GSTA4: variants seen among roughly 807,000 people sequenced by gnomAD.
GSTA4 encodes glutathione S-transferase alpha 4.
A neutral mutation model predicts 24.4 loss-of-function variants in GSTA4; 15 were observed. The observed-to-expected ratio is 0.61, with a 90% CI of 0.41 to 0.95. The LOEUF (loss-of-function observed/expected upper bound fraction) is 0.95. Ranked by LOEUF, GSTA4 falls within the 40% of genes least tolerant of loss-of-function variation. The pLI is 0.00. For missense variants in GSTA4, 244 were observed against 262.1 expected (o/e 0.93, Z 0.48); for synonymous variants, 92 against 94.2 (o/e 0.98, Z 0.13).
In GSTA4 at chr6:52,978,283, C is replaced by T; in HGVS notation, c.*187G>A. ...AAGTTTTCCAATAAAGATCCCCTAA[C>T]AATTATTTACTGGACAAAAAAGGTT... is the stretch of plus-strand genomic sequence containing the variant. On this transcript the variant is annotated 3_prime_UTR_variant, in exon 7 of 7. Transcript: ENST00000370963. 1 of 588,258 alleles carries T rather than the reference C, an allele frequency of 1.7e-6. No homozygotes were observed. Among genetic ancestry groups the T allele is most frequent in the Admixed American group, 3.7e-5 (1 of 27,182 alleles). The allele number at this position is 588,258 out of a possible 1,614,324, so 36.4% of individuals were successfully genotyped here.
chr6:52,982,723 G>T lies in GSTA4; in HGVS notation c.415-18C>A, dbSNP rs778715431. 6.2e-7 allele frequency: 1 copy of T among 1,601,512 alleles called. No homozygotes were observed. The highest frequency in any genetic ancestry group is 2.2e-5 in the East Asian group (1 of 44,774). On this transcript the variant is annotated intron_variant, in intron 5 of 6. Coordinates refer to ENST00000370963, the MANE Select transcript of GSTA4 (RefSeq NM_001512.4). The stretch of plus-strand genomic sequence containing the variant: ...CTTAAAATCTGTAGGGAAATGGTGT[G>T]CATCAGTTACAATATTCCACATGGA...
At chr6:52,983,797 T>C (rs1056483715) in intron 5 of GSTA4, among the ~76,000 whole-genome samples, 3 of 152,190 alleles carry the variant, frequency 2.0e-5, no homozygotes, top group Non-Finnish European at 4.4e-5. Flanking sequence ...CCATAAAACC[T>C]AGCTACAGAA....
At position 52,978,295 on chromosome 6, in the gene GSTA4, G is replaced by A. The variant is rs865822333; in HGVS notation, c.*175C>T. On this transcript the variant is annotated 3_prime_UTR_variant, in exon 7 of 7. Transcript: ENST00000370963. ...AAAGATCCCCTAACAATTATTTACT[G>A]GACAAAAAAGGTTGATATTTCTAGA... 2 of 635,048 alleles carry A rather than the reference G, an allele frequency of 3.1e-6. No homozygotes were observed. The highest frequency in any genetic ancestry group is 5.9e-4 in the Middle Eastern group (2 of 3,380). 39.3% of individuals were successfully genotyped at this position (635,048 alleles called of 1,614,324 possible).
intron 3 of GSTA4, among the ~76,000 whole-genome samples, chr6:52,986,168 T>C (rs1461148208): frequency 5.3e-5 from 8 of 152,214 alleles, no homozygotes; most frequent in Admixed American, 3.9e-4. Flanking sequence ...AGATATTTCT[T>C]CAGTGCTACA....
intron 2 of GSTA4, among the ~76,000 whole-genome samples, chr6:52,989,459 CT>C (rs927673669): frequency 2.6e-5 from 4 of 151,986 alleles, no homozygotes; most frequent in African/African-American, 9.7e-5. Flanking sequence ...TCTGCAACTA[CT>C]TTGAAACAAT....
intron 5 of GSTA4, among the ~76,000 whole-genome samples, chr6:52,983,675 C>T (rs1359721875): frequency 6.6e-6 from 1 of 152,208 alleles, no homozygotes; most frequent in African/African-American, 2.4e-5. Context: ...GCCCTTGGGA[C>T]CTAAGAATGA....
intron 3 of GSTA4, among the ~76,000 whole-genome samples, chr6:52,986,336 T>C (rs1581911770): frequency 6.6e-6 from 1 of 152,238 alleles, no homozygotes; most frequent in African/African-American, 2.4e-5. Flanking sequence ...TATTGGACAA[T>C]GCAGAATAGA....
intron 2 of GSTA4, among the ~76,000 whole-genome samples, chr6:52,991,882 G>A (rs1423620405): frequency 1.3e-5 from 2 of 150,774 alleles, no homozygotes; most frequent in Non-Finnish European, 2.9e-5. Context: ...TCAGCCTCCT[G>A]AGTAGCTGGG....
intron 2 of GSTA4, 166 bp from the exon 3 acceptor site, chr6:52,987,574 T>C: frequency 1.3e-5 from 7 of 523,274 alleles, no homozygotes; most frequent in Non-Finnish European, 1.3e-5. Flanking sequence ...CTGATTCATA[T>C]GTGGGAGCTA....
rs775528942 is a variant in GSTA4 at position 52,994,284 on chromosome 6, C to G, written c.-18-23G>C. Reference sequence around the variant, plus strand: ...TTTCTGAAATACAAATGCAGCAGCTCGTCGCAGACCAACAGTCCCAATTTC... The same window carrying G: ...TTTCTGAAATACAAATGCAGCAGCTGGTCGCAGACCAACAGTCCCAATTTC... On this transcript the variant is annotated intron_variant, in intron 1 of 6. Coordinates refer to ENST00000370963, the MANE Select transcript of GSTA4 (RefSeq NM_001512.4). 5.3e-6 allele frequency: 7 copies of G among 1,317,168 alleles called. No homozygotes were observed. The East Asian group carries it at 1.4e-4, about 26-fold the overall frequency. The allele number at this position is 1,317,168 out of a possible 1,614,324, so 81.6% of individuals were successfully genotyped here.
chr6:52,983,015 C>G (rs1242037122), intron 5 of GSTA4, among the ~76,000 whole-genome samples: 1 of 152,024 alleles, frequency 6.6e-6, no homozygotes, highest in Non-Finnish European at 1.5e-5. Flanking sequence ...TTCCTTATTT[C>G]TGGATTTAGC....
intron 6 of GSTA4, among the ~76,000 whole-genome samples, chr6:52,978,920 G>C (rs73743134): frequency 2.6e-4 from 40 of 152,256 alleles, no homozygotes; most frequent in African/African-American, 8.9e-4. Context: ...CGGGCTGTGG[G>C]TTGGACAAGG....
chr6:52,982,669 T>G lies in GSTA4; in HGVS notation c.451A>C (p.Asn151His). The change falls in exon 6 of 7, where the codon AAT (asparagine) becomes CAT (histidine). Residue 151 changes from asparagine to histidine, a missense_variant. Coordinates refer to ENST00000370963, the MANE Select transcript of GSTA4 (RefSeq NM_001512.4). ...RGHGQSFLVGNQLSLADVILL... is the reference protein window; with the variant it reads ...RGHGQSFLVGHQLSLADVILL... Reference sequence around the variant, plus strand: ...ATCACATCTGCAAGGCTCAGCTGATTACCAACAAGAAAGCTTTGTCCGTGA... The same window carrying G: ...ATCACATCTGCAAGGCTCAGCTGATGACCAACAAGAAAGCTTTGTCCGTGA... 1.2e-6 allele frequency: 2 copies of G among 1,612,236 alleles called. No individual in the cohort carries two copies. The highest frequency in any genetic ancestry group is 1.7e-6 in the Non-Finnish European group (2 of 1,178,338).
In GSTA4 at chr6:52,982,659, C is replaced by G; in HGVS notation, c.461G>C (p.Ser154Thr). The G allele has an allele frequency of 6.2e-7, 1 of 1,611,298 alleles. No individual in the cohort carries two copies. The highest frequency in any genetic ancestry group is 8.5e-7 in the Non-Finnish European group (1 of 1,177,490). Residue 154 changes from serine to threonine, a missense_variant, in exon 6 of 7, where the codon AGC becomes ACC. Transcript: ENST00000370963. ...TTGGAGTAAAATCACATCTGCAAGG[C>G]TCAGCTGATTACCAACAAGAAAGCT... Reference protein sequence around the residue: ...GQSFLVGNQLSLADVILLQTI... With the variant: ...GQSFLVGNQLTLADVILLQTI...
chr6:52,982,329 G>A (rs773428072), intron 6 of GSTA4, among the ~76,000 whole-genome samples: 1 of 148,696 alleles, frequency 6.7e-6, no homozygotes, highest in East Asian at 2.0e-4. Context: ...GACCATTCTG[G>A]GCAACATAGT....
rs1008288754 is a variant in GSTA4 at position 52,978,266 on chromosome 6, C to T, written c.*204G>A. 7 of 531,608 alleles carry T rather than the reference C, an allele frequency of 1.3e-5. No homozygotes were observed. The Admixed American group carries it at 2.8e-4, about 21-fold the overall frequency. The allele number at this position is 531,608 out of a possible 1,614,324, so 32.9% of individuals were successfully genotyped here. A position where few individuals can be genotyped will look rare whatever the true frequency, so the allele number is the denominator to read the frequency against. Reference sequence around the variant, plus strand: ...TACCAGCCTCTCCAAAAAAGTTTTCCAATAAAGATCCCCTAACAATTATTT... The same window carrying T: ...TACCAGCCTCTCCAAAAAAGTTTTCTAATAAAGATCCCCTAACAATTATTT... On this transcript the variant is annotated 3_prime_UTR_variant, in exon 7 of 7. Coordinates refer to ENST00000370963, the MANE Select transcript of GSTA4 (RefSeq NM_001512.4).
rs1763476555 is a variant in GSTA4, at chr6:52,982,760, G to C, written c.415-55C>G. The C allele has an allele frequency of 1.8e-5, 24 of 1,354,114 alleles. No individual in the cohort carries two copies. The South Asian group carries it at 2.7e-4, about 15-fold the overall frequency. 83.9% of individuals were successfully genotyped at this position (1,354,114 alleles called of 1,614,324 possible). On this transcript the variant is annotated intron_variant, in intron 5 of 6. Transcript: ENST00000370963. Reference sequence around the variant, plus strand: ...ATATTCCACATGGAGAGAGTGATGAGGCTATTGAATCAGTGCAGTATCTGA... The same window carrying C: ...ATATTCCACATGGAGAGAGTGATGACGCTATTGAATCAGTGCAGTATCTGA...
intron 2 of GSTA4, among the ~76,000 whole-genome samples, chr6:52,989,288 G>A (rs1763620635): frequency 6.6e-6 from 1 of 152,188 alleles, no homozygotes; most frequent in Admixed American, 6.5e-5. Context: ...GCTCTATAGA[G>A]TAGCCATTCT....
At chr6:52,983,462 T>C (rs1408495526) in intron 5 of GSTA4, among the ~76,000 whole-genome samples, 1 of 152,176 alleles carries the variant, frequency 6.6e-6, no homozygotes, top group Non-Finnish European at 1.5e-5. Flanking sequence ...AGGTCAAATA[T>C]AGCTACTGGA....
Sources: allele counts gnomAD v4.1 joint callset (sites outside exome capture counted in the v4.1 genomes callset), GRCh38; gene constraint gnomAD v4.1.1; transcripts MANE v1.5; gene names NCBI Gene and HGNC (gene_info 2026-07-23, HGNC 2026-07-21).